CNIH3: variants seen among roughly 807,000 people sequenced by gnomAD.
CNIH3 encodes the protein protein cornichon homolog 3.
CNIH3 carries 14 observed loss-of-function variants against 24.1 expected under a neutral mutation model. The observed-to-expected ratio is 0.58, with a 90% CI of 0.38 to 0.91. The LOEUF (loss-of-function observed/expected upper bound fraction) is 0.91, where lower values mean the gene tolerates loss of function less well. Among genes scored for constraint, CNIH3 ranks in the 40% least tolerant of loss-of-function variants. The pLI is 0.00. For missense variants in CNIH3, 178 were observed against 196.8 expected (o/e 0.90, Z 0.57); for synonymous variants, 68 against 73.8 (o/e 0.92, Z 0.40).
At chr1:224,739,179 G>T in intron 5 of CNIH3, 150 bp from the exon 6 acceptor site, 1 of 1,389,210 alleles carries the variant, frequency 7.2e-7, no homozygotes, top group Non-Finnish European at 9.6e-7. Flanking sequence ...TAGTGGAGTT[G>T]GCGAGATGCT....
chr1:224,603,367 A>G (rs147281896), intron 3 of CNIH3, among the ~76,000 whole-genome samples: 102 of 152,288 alleles, frequency 6.7e-4, no homozygotes, highest in African/African-American at 2.4e-3. Context: ...GTTTTCTTTC[A>G]CAGGATCAAT....
intron 1 of CNIH3, among the ~76,000 whole-genome samples, chr1:224,470,317 C>A (rs1370308430): frequency 7.4e-6 from 1 of 134,334 alleles, no homozygotes; most frequent in Non-Finnish European, 1.6e-5. Context: ...TGTGCCTGGC[C>A]TTTTTTTTTT....
chr1:224,697,579 CT>C (rs1687243216), intron 3 of CNIH3, among the ~76,000 whole-genome samples: 1 of 152,162 alleles, frequency 6.6e-6, no homozygotes, highest in Non-Finnish European at 1.5e-5. Flanking sequence ...AGTGGGATGA[CT>C]CATTGCAAGT....
At chr1:224,502,708 A>T (rs1003532849) in intron 1 of CNIH3, among the ~76,000 whole-genome samples, 2 of 152,218 alleles carry the variant, frequency 1.3e-5, no homozygotes, top group Admixed American at 1.3e-4. Context: ...CAATCAGCTG[A>T]AAAGACTGTC....
At chr1:224,676,467 C>T (rs533820210) in intron 1 of CNIH3, among the ~76,000 whole-genome samples, 1 of 152,006 alleles carries the variant, frequency 6.6e-6, no homozygotes, top group Non-Finnish European at 1.5e-5. Flanking sequence ...AACTTTTCAC[C>T]AAAAAGAGTG....
chr1:224,630,285 C>T (rs572526825), intron 1 of CNIH3, among the ~76,000 whole-genome samples: 4 of 152,210 alleles, frequency 2.6e-5, no homozygotes, highest in African/African-American at 9.6e-5. Flanking sequence ...GTGGACCAGG[C>T]GGCCTTACCT....
At chr1:224,682,989 A>G (rs1558288956) in intron 2 of CNIH3, among the ~76,000 whole-genome samples, 2 of 152,192 alleles carry the variant, frequency 1.3e-5, no homozygotes, top group Non-Finnish European at 2.9e-5. Context: ...TTTCCATCTC[A>G]CCATGGCAAA....
intron 1 of CNIH3, among the ~76,000 whole-genome samples, chr1:224,473,782 T>C (rs1283803897): frequency 3.9e-5 from 6 of 152,208 alleles, no homozygotes; most frequent in African/African-American, 1.4e-4. Flanking sequence ...TAATCTGCAC[T>C]ATAGACCAAA....
chr1:224,683,769 G>C (rs116158833), intron 2 of CNIH3, among the ~76,000 whole-genome samples: 2,373 of 152,314 alleles, frequency 0.016, 62 homozygotes, highest in African/African-American at 0.054. Flanking sequence ...CAGGGGCTCT[G>C]GCTTGCTGGA....
Position 224,698,338 on chromosome 1 carries a change from A to T in CNIH3, c.198+13495A>T, listed in dbSNP as rs1412878169. On this transcript the variant is annotated intron_variant, in intron 3 of 5. Coordinates refer to ENST00000272133, the MANE Select transcript of CNIH3 (RefSeq NM_152495.2). Reference sequence around the variant, plus strand: ...TTCTGGAGGACAATGATCACCGATTATAGCACAAGGAGGTAGGCGGGGAAC... The same window carrying T: ...TTCTGGAGGACAATGATCACCGATTTTAGCACAAGGAGGTAGGCGGGGAAC... Among the ~76,000 whole-genome samples the T allele has an allele frequency of 2.0e-5, 3 of 152,246 alleles. No individual in the cohort carries two copies. In the East Asian group the frequency reaches 5.8e-4, roughly 29 times the overall value.
At chr1:224,651,062 T>G (rs1684835197) in intron 1 of CNIH3, among the ~76,000 whole-genome samples, 1 of 139,524 alleles carries the variant, frequency 7.2e-6, no homozygotes. Context: ...AAGAGGGACA[T>G]GGACACACAC....
chr1:224,678,083 C>A (rs892346648), intron 1 of CNIH3, among the ~76,000 whole-genome samples: 6 of 151,990 alleles, frequency 3.9e-5, no homozygotes, highest in African/African-American at 1.5e-4. Flanking sequence ...TGGGTATTGA[C>A]GATACTGTGT....
At chr1:224,575,130 G>T (rs1210856279) in intron 4 of CNIH3, 1 of 932,518 alleles carries the variant, frequency 1.1e-6, no homozygotes, top group East Asian at 2.4e-5. Flanking sequence ...CCTCCTGGAA[G>T]ATCCCAGGAT....
downstream of CNIH3, among the ~76,000 whole-genome samples, chr1:224,593,341 G>A (rs1681843241): frequency 6.6e-6 from 1 of 150,468 alleles, no homozygotes; most frequent in Non-Finnish European, 1.5e-5. Context: ...TACTTCTTAG[G>A]CAAAAACATG....
chr1:224,471,264 A>G (rs1676357065), intron 1 of CNIH3, among the ~76,000 whole-genome samples: 1 of 152,130 alleles, frequency 6.6e-6, no homozygotes. Context: ...TCCTGACCTC[A>G]TGTGATCTGC....
At chr1:224,649,011 C>T (rs950445431) in intron 1 of CNIH3, among the ~76,000 whole-genome samples, 4 of 152,148 alleles carry the variant, frequency 2.6e-5, no homozygotes, top group African/African-American at 9.7e-5. Flanking sequence ...TTCAGCCAGC[C>T]CATCAGTGGT....
intron 3 of CNIH3, among the ~76,000 whole-genome samples, chr1:224,698,538 A>C (rs1194781353): frequency 2.0e-5 from 3 of 152,238 alleles, no homozygotes; most frequent in Non-Finnish European, 2.9e-5. Flanking sequence ...GTCTTCTGAG[A>C]GAAACTGTAG....
Position 224,684,491 on chromosome 1 carries a change from T to C in CNIH3, c.151-305T>C, listed in dbSNP as rs578123356. 2.8e-4 allele frequency among the ~76,000 whole-genome samples: 42 copies of C among 152,320 alleles called. No individual in the cohort carries two copies. The highest frequency in any genetic ancestry group is 2.9e-5 in the Non-Finnish European group (2 of 68,032). On this transcript the variant is annotated intron_variant, in intron 2 of 5. Transcript: ENST00000272133. The surrounding 1 kb of genome is among the most constrained non-coding windows in gnomAD (Gnocchi z 4.2). ...GCAGTTTGACCACCTTATACGTACA[T>C]GGAGGCTGAGAGAGACTTTGTAGAT...
intron 2 of CNIH3, chr1:224,529,129 G>A (rs911522581): frequency 1.3e-5 from 2 of 152,356 alleles, no homozygotes; most frequent in Non-Finnish European, 2.9e-5. Context: ...GTGAGTCATA[G>A]GTCAGGTGGC....
Sources: gnomAD v4.1 joint callset for allele counts (sites outside exome capture counted in the v4.1 genomes callset) on GRCh38, gnomAD v4.1.1 for gene constraint, Gnocchi (gnomAD v3.1) non-coding constraint, MANE v1.5 for transcripts, NCBI Gene and HGNC (gene_info 2026-07-23, HGNC 2026-07-21) for gene names.